SLC16A12: variants seen among roughly 807,000 people sequenced by gnomAD.
The protein encoded by SLC16A12 is monocarboxylate transporter 12.
Under a neutral mutation model 42.4 loss-of-function variants are expected in SLC16A12, and 17 were observed. The ratio of observed to expected loss-of-function variants is 0.40; its 90% CI spans 0.27 to 0.60. SLC16A12 has a LOEUF of 0.60. Among genes scored for constraint, SLC16A12 ranks in the 20% least tolerant of loss-of-function variants. The pLI, the probability that SLC16A12 is intolerant of heterozygous loss-of-function variation, is 0.42. For missense variants in SLC16A12, 544 were observed against 623.0 expected, an observed-to-expected ratio of 0.87 and a Z score of 1.35; for synonymous variants, 224 against 229.4, an observed-to-expected ratio of 0.98 and a Z score of 0.21.
intron 6 of SLC16A12, among the ~76,000 whole-genome samples, 198 bp downstream of exon 6, chr10:89,438,406 A>T (rs1406322671): frequency 6.6e-6 from 1 of 152,240 alleles, no homozygotes; most frequent in Admixed American, 6.5e-5. Flanking sequence ...ACAAAGCCAA[A>T]AATGTTTACT....
chr10:89,443,852 A>T lies in SLC16A12; in HGVS notation c.208T>A (p.Ser70Thr). The T allele has an allele frequency of 6.2e-7, 1 of 1,605,064 alleles. No homozygotes were observed. Among genetic ancestry groups the T allele is most frequent in the Non-Finnish European group, 8.5e-7 (1 of 1,171,702 alleles). ...GTCTGGAACTCCACAAAAAAAATTG[A>T]GATACATCTGAAAAATACAATGCAG... ...ICTRAVTRCI[S>T]IFFVEFQTYF... Residue 70 changes from serine to threonine, a missense_variant, in exon 4 of 8, where the codon TCA (serine) becomes ACA (threonine). Physicochemically the swap from Ser to Thr is moderately conservative, Grantham distance 58. Transcript: ENST00000371790.
At chr10:89,455,630 G>A (rs185895392) in intron 3 of SLC16A12, among the ~76,000 whole-genome samples, 1 of 152,236 alleles carries the variant, frequency 6.6e-6, no homozygotes, top group African/African-American at 2.4e-5. Context: ...CTGAACACAG[G>A]CATGATATTA....
At chr10:89,454,173 G>A (rs1056270941) in intron 3 of SLC16A12, among the ~76,000 whole-genome samples, 47 of 151,772 alleles carry the variant, frequency 3.1e-4, no homozygotes, top group African/African-American at 9.9e-4. Context: ...CCACAGGAGT[G>A]CACCATCATG....
At chr10:89,522,489 C>A (rs150630828) in intron 2 of SLC16A12, among the ~76,000 whole-genome samples, 1 of 152,356 alleles carries the variant, frequency 6.6e-6, no homozygotes, top group African/African-American at 2.4e-5. Context: ...TCCACTTCTA[C>A]AACTGGTAAA....
At chr10:89,482,523 A>C (rs563814487) in intron 2 of SLC16A12, among the ~76,000 whole-genome samples, 38 of 152,274 alleles carry the variant, frequency 2.5e-4, no homozygotes, top group African/African-American at 9.1e-4. Context: ...GCTCACGCCT[A>C]TAATCCCAGC....
At chr10:89,477,181 T>G (rs1020265883) in intron 2 of SLC16A12, among the ~76,000 whole-genome samples, 27 of 152,330 alleles carry the variant, frequency 1.8e-4, no homozygotes, top group Admixed American at 1.8e-3. Flanking sequence ...TCCCTCTAGT[T>G]TGGAACCGAA....
At chr10:89,555,569 ATATG>A (rs1326643169) in intron 2 of SLC16A12, among the ~76,000 whole-genome samples, 1 of 135,936 alleles carries the variant, frequency 7.4e-6, no homozygotes. Flanking sequence ...ACATATACGT[ATATG>A]TATATGTATA....
At chr10:89,520,449 T>C (rs1843333079) in intron 2 of SLC16A12, among the ~76,000 whole-genome samples, 2 of 152,228 alleles carry the variant, frequency 1.3e-5, no homozygotes, top group African/African-American at 2.4e-5. Context: ...GACTTCTTCA[T>C]GAGGTTCAAA....
At chr10:89,487,246 A>G (rs908359145) in intron 2 of SLC16A12, among the ~76,000 whole-genome samples, 8 of 152,164 alleles carry the variant, frequency 5.3e-5, no homozygotes, top group Non-Finnish European at 2.9e-5. Flanking sequence ...GTGTGGCAAA[A>G]AGAGAACTCA....
rs1196833414 is a variant in SLC16A12, at chr10:89,431,708, GA to G, written c.*1355del. The G allele has an allele frequency of 6.6e-6, 1 of 152,208 alleles. No homozygotes were observed. The highest frequency in any genetic ancestry group is 2.4e-5 in the African/African-American group (1 of 41,446). 9.4% of individuals were successfully genotyped at this position (152,208 alleles called of 1,614,324 possible). ...TCCTATTACAGGTGTGACACACTGT[GA>G]GATTCAGGATTATAATTCTTTGGAC... On this transcript the variant is annotated 3_prime_UTR_variant, in exon 8 of 8. Transcript: ENST00000371790.
intron 3 of SLC16A12, among the ~76,000 whole-genome samples, chr10:89,450,991 A>C (rs1842087606): frequency 6.6e-6 from 1 of 152,194 alleles, no homozygotes; most frequent in African/African-American, 2.4e-5. Context: ...TTAGAGAAAG[A>C]CATGTGAACC....
chr10:89,479,983 G>A (rs1395169572), intron 2 of SLC16A12, among the ~76,000 whole-genome samples: 1 of 152,152 alleles, frequency 6.6e-6, no homozygotes, highest in Non-Finnish European at 1.5e-5. Flanking sequence ...TGTTCTGAAA[G>A]ATAATTTATC....
intron 2 of SLC16A12, among the ~76,000 whole-genome samples, chr10:89,487,665 A>G (rs1164915856): frequency 6.8e-6 from 1 of 147,920 alleles, no homozygotes; most frequent in Non-Finnish European, 1.5e-5. Flanking sequence ...AAAAAAAATT[A>G]GCTGGGCGTG....
intron 2 of SLC16A12, among the ~76,000 whole-genome samples, chr10:89,496,764 T>C (rs1842927294): frequency 6.6e-6 from 1 of 152,116 alleles, no homozygotes; most frequent in Non-Finnish European, 1.5e-5. Flanking sequence ...AGAAGAACAC[T>C]TTCACATTTG....
chr10:89,520,720 C>CAGA (rs755419246), intron 2 of SLC16A12, among the ~76,000 whole-genome samples: 1 of 100,128 alleles, frequency 1.0e-5, no homozygotes, highest in African/African-American at 4.0e-5. Context: ...TCACATAGGC[C>CAGA]AAAAAAAAAA....
intron 1 of SLC16A12, 33 bp from the exon 2 acceptor site, chr10:89,534,673 C>CAAAAAAAAAA (rs1196402951): frequency 4.1e-5 from 5 of 122,720 alleles, no homozygotes; most frequent in African/African-American, 1.3e-4. Context: ...AAAAAAAAAT[C>CAAAAAAAAAA]CAAAAATTAG....
chr10:89,515,365 C>T, intron 2 of SLC16A12, among the ~76,000 whole-genome samples: 1 of 152,188 alleles, frequency 6.6e-6, no homozygotes, highest in Middle Eastern at 3.2e-3. Context: ...AACAGGAATC[C>T]ATGCCACAGA....
At chr10:89,508,776 T>A (rs1346688362) in intron 2 of SLC16A12, among the ~76,000 whole-genome samples, 1 of 151,898 alleles carries the variant, frequency 6.6e-6, no homozygotes, top group African/African-American at 2.4e-5. Context: ...TCAAAAAAAA[T>A]CAATGAATGC....
intron 3 of SLC16A12, among the ~76,000 whole-genome samples, chr10:89,448,090 C>T (rs1000053286): frequency 2.6e-5 from 4 of 152,188 alleles, no homozygotes; most frequent in African/African-American, 4.8e-5. Context: ...AGACCAATAA[C>T]AGGCTCTGAA....
Sources: gnomAD v4.1 joint callset for allele counts (sites outside exome capture counted in the v4.1 genomes callset) on GRCh38, gnomAD v4.1.1 for gene constraint, MANE v1.5 for transcripts, NCBI Gene and HGNC (gene_info 2026-07-23, HGNC 2026-07-21) for gene names.